Variants in ARHGAP42 observed in about 807,000 individuals in gnomAD.
ARHGAP42 encodes the protein Rho GTPase activating protein 42.
Under a neutral mutation model 125.0 loss-of-function variants are expected in ARHGAP42, and 63 were observed. The observed-to-expected ratio is 0.50, with a 90% confidence interval of 0.41 to 0.62. ARHGAP42 has a LOEUF of 0.62. ARHGAP42 is among the 20% of genes least tolerant of loss of function. The pLI, the probability that ARHGAP42 is intolerant of heterozygous loss-of-function variation, is 0.00. For missense variants in ARHGAP42, 766 were observed against 1,024.2 expected, an observed-to-expected ratio of 0.75 and a Z score of 3.44; for synonymous variants, 339 against 351.0, an observed-to-expected ratio of 0.97 and a Z score of 0.38.
At chr11:100,729,063 G>A (rs983915590) in intron 1 of ARHGAP42, among the ~76,000 whole-genome samples, 3 of 150,892 alleles carry the variant, frequency 2.0e-5, no homozygotes, top group East Asian at 2.2e-4. Flanking sequence ...GCCACTGCAC[G>A]CAGCCTCTGT....
chr11:100,987,669 A>C (rs2135337106), intron 23 of ARHGAP42, 77 bp downstream of exon 23: 1 of 1,350,902 alleles, frequency 7.4e-7, no homozygotes, highest in East Asian at 2.5e-5. Flanking sequence ...TATGAGTCTA[A>C]AGTAGAAGCC....
intron 1 of ARHGAP42, among the ~76,000 whole-genome samples, chr11:100,755,641 T>C (rs190039011): frequency 6.6e-6 from 1 of 152,340 alleles, no homozygotes; most frequent in Non-Finnish European, 1.5e-5. Flanking sequence ...TGAGTCTCAT[T>C]GTCTTGTTTT....
At chr11:100,951,718 G>A (rs776165435) in intron 12 of ARHGAP42, among the ~76,000 whole-genome samples, 4 of 152,136 alleles carry the variant, frequency 2.6e-5, no homozygotes, top group Non-Finnish European at 5.9e-5. Context: ...CTGGAAATAG[G>A]TATCCTGCAG....
At position 100,755,781 on chromosome 11, in the gene ARHGAP42, CT is replaced by C. The variant is rs928768231; in HGVS notation, c.155-14561del. Among the ~76,000 whole-genome samples, 7 of 152,300 alleles carry C rather than the reference CT, an allele frequency of 4.6e-5. No homozygotes were observed. In the East Asian group the frequency reaches 1.2e-3, roughly 25 times the overall value. On this transcript the variant is annotated intron_variant, in intron 1 of 23. Coordinates refer to ENST00000298815, the MANE Select transcript of ARHGAP42 (RefSeq NM_152432.4). ...AGAGAACTTATTTCTTATTTCCCCC[CT>C]GTCATAACAGGGACAACAGAGATCT... is the stretch of plus-strand genomic sequence containing the variant.
At chr11:100,912,752 C>G (rs1384557489) in intron 4 of ARHGAP42, among the ~76,000 whole-genome samples, 1 of 152,118 alleles carries the variant, frequency 6.6e-6, no homozygotes. Context: ...CAGCTATTCC[C>G]CCTCCCAGTT....
chr11:100,855,336 AC>A (rs995491124), intron 3 of ARHGAP42, among the ~76,000 whole-genome samples: 1 of 152,118 alleles, frequency 6.6e-6, no homozygotes, highest in Non-Finnish European at 1.5e-5. Flanking sequence ...ATGAGCTGTG[AC>A]TGGCACCAAC....
At chr11:100,802,742 A>G (rs1223707468) in intron 3 of ARHGAP42, among the ~76,000 whole-genome samples, 1 of 151,814 alleles carries the variant, frequency 6.6e-6, no homozygotes, top group African/African-American at 2.4e-5. Context: ...CCTTCTTAAT[A>G]CACTCCCTCT....
At chr11:100,784,406 C>G (rs114188848) in intron 2 of ARHGAP42, among the ~76,000 whole-genome samples, 2,127 of 152,094 alleles carry the variant, frequency 0.014, 51 homozygotes, top group African/African-American at 0.049. Flanking sequence ...TGAGTTAGAG[C>G]CACAGAAGCT....
intron 1 of ARHGAP42, among the ~76,000 whole-genome samples, chr11:100,724,004 T>G (rs139873745): frequency 1.3e-5 from 2 of 152,306 alleles, no homozygotes; most frequent in East Asian, 3.9e-4. Context: ...CAAACTCTTT[T>G]AACTTTTTAA....
At chr11:100,833,411 T>C (rs1455838791) in intron 3 of ARHGAP42, among the ~76,000 whole-genome samples, 2 of 152,192 alleles carry the variant, frequency 1.3e-5, no homozygotes, top group Admixed American at 6.6e-5. Context: ...AATGACACCA[T>C]GTATTTACTC....
chr11:100,824,484 G>T (rs1864469231), intron 3 of ARHGAP42, among the ~76,000 whole-genome samples: 3 of 152,104 alleles, frequency 2.0e-5, no homozygotes, highest in African/African-American at 7.2e-5. Flanking sequence ...GTACATACAG[G>T]TTATTGCACT....
At chr11:100,945,302 A>G (rs1353533374) in intron 10 of ARHGAP42, among the ~76,000 whole-genome samples, 3 of 146,486 alleles carry the variant, frequency 2.0e-5, no homozygotes, top group Non-Finnish European at 4.5e-5. Flanking sequence ...GAAGTCTTGA[A>G]CCCCTCCAAC....
intron 4 of ARHGAP42, among the ~76,000 whole-genome samples, chr11:100,901,156 G>A (rs990680203): frequency 2.0e-5 from 3 of 152,170 alleles, no homozygotes; most frequent in Non-Finnish European, 2.9e-5. Flanking sequence ...TCCCTCAGCT[G>A]CAAGTCTGTT....
At chr11:100,875,044 G>A (rs1865778634) in intron 4 of ARHGAP42, among the ~76,000 whole-genome samples, 1 of 147,372 alleles carries the variant, frequency 6.8e-6, no homozygotes, top group South Asian at 2.1e-4. Context: ...GGCAAGGGTT[G>A]GCAAACTGCT....
intron 2 of ARHGAP42, among the ~76,000 whole-genome samples, chr11:100,773,564 C>T (rs940433264): frequency 6.6e-6 from 1 of 152,170 alleles, no homozygotes; most frequent in Non-Finnish European, 1.5e-5. Context: ...CATTAAGCTT[C>T]TTACTTAAAA....
At chr11:100,821,438 A>G (rs529414370) in intron 3 of ARHGAP42, among the ~76,000 whole-genome samples, 1 of 152,112 alleles carries the variant, frequency 6.6e-6, no homozygotes, top group South Asian at 2.1e-4. Context: ...AGTTTTAAGT[A>G]TGCTATTGGG....
At chr11:100,724,980 A>C (rs977362326) in intron 1 of ARHGAP42, among the ~76,000 whole-genome samples, 1 of 151,046 alleles carries the variant, frequency 6.6e-6, no homozygotes, top group African/African-American at 2.4e-5. Context: ...CCCTCTAAAC[A>C]CTGCTTTTGT....
rs546379788 is a variant in ARHGAP42 at position 100,876,954 on chromosome 11, T to C, written c.384+17329T>C. 3.4e-3 allele frequency among the ~76,000 whole-genome samples: 515 copies of C among 152,242 alleles called. 2 individuals are homozygous for C. The highest frequency in any genetic ancestry group is 3.7e-3 in the Non-Finnish European group (254 of 68,018). ...AGCCTGGTGATTTACAGACTCTGAG[T>C]TGGAGAGATGACCTCTACAATTACT... On this transcript the variant is annotated intron_variant, in intron 4 of 23. Coordinates refer to ENST00000298815, the MANE Select transcript of ARHGAP42 (RefSeq NM_152432.4).
chr11:100,794,486 G>A (rs73575577), intron 2 of ARHGAP42, among the ~76,000 whole-genome samples: 3,395 of 152,258 alleles, frequency 0.022, 121 homozygotes, highest in African/African-American at 0.076. Context: ...AGATTCTGGG[G>A]TGGGGCCTGA....
Sources: allele counts gnomAD v4.1 joint callset (sites outside exome capture counted in the v4.1 genomes callset), GRCh38; gene constraint gnomAD v4.1.1; transcripts MANE v1.5; gene names NCBI Gene and HGNC (gene_info 2026-07-23, HGNC 2026-07-21).